BFSP2: variants seen among roughly 807,000 people sequenced by gnomAD.
BFSP2 encodes the protein beaded filament structural protein 2.
In BFSP2, 38 loss-of-function variants were observed where a neutral mutation model predicts 44.9. The observed-to-expected ratio is 0.85, with a 90% confidence interval of 0.65 to 1.11. The LOEUF (loss-of-function observed/expected upper bound fraction) is 1.11. Among genes scored for constraint, BFSP2 ranks in the 50% least tolerant of loss-of-function variants. The pLI, the probability that BFSP2 is intolerant of heterozygous loss-of-function variation, is 0.00. For synonymous variants in BFSP2, 197 were observed against 209.9 expected (o/e 0.94, Z 0.53); for missense variants, 525 against 533.0 (o/e 0.99, Z 0.15).
chr3:133,414,198 C>A (rs2073484296), intron 1 of BFSP2, among the ~76,000 whole-genome samples: 1 of 112,598 alleles, frequency 8.9e-6, no homozygotes, highest in Non-Finnish European at 1.8e-5. Context: ...ACTCATCCCT[C>A]TACTCACCCC....
At chr3:133,428,704 G>A (rs1023613631) in intron 1 of BFSP2, among the ~76,000 whole-genome samples, 5 of 152,316 alleles carry the variant, frequency 3.3e-5, no homozygotes, top group African/African-American at 4.8e-5. Flanking sequence ...GGGTAAACAC[G>A]CAGGGCCTGT....
chr3:133,447,712 G>T (rs1201613512), intron 2 of BFSP2, among the ~76,000 whole-genome samples: 2 of 152,138 alleles, frequency 1.3e-5, no homozygotes, highest in Non-Finnish European at 2.9e-5. Context: ...TGACTCAATG[G>T]GTCTGGAGAA....
chr3:133,411,823 A>G (rs548292647), intron 1 of BFSP2, among the ~76,000 whole-genome samples: 1 of 152,342 alleles, frequency 6.6e-6, no homozygotes, highest in East Asian at 1.9e-4. Context: ...CCAATTTTTT[A>G]ACAAATAAAA....
chr3:133,414,760 A>G (rs1169784142), intron 1 of BFSP2, among the ~76,000 whole-genome samples: 4 of 1,872 alleles, frequency 2.1e-3, no homozygotes, highest in Non-Finnish European at 2.8e-3. Flanking sequence ...ACTCACCCCT[A>G]TTCTCTCCCC....
At chr3:133,416,129 T>C (rs1282231472) in intron 1 of BFSP2, among the ~76,000 whole-genome samples, 1 of 139,428 alleles carries the variant, frequency 7.2e-6, no homozygotes, top group Admixed American at 7.2e-5. Flanking sequence ...TCTCTCACTC[T>C]ACTCACCCCT....
intron 5 of BFSP2, among the ~76,000 whole-genome samples, chr3:133,470,637 G>A (rs954529316): frequency 3.9e-5 from 6 of 152,156 alleles, no homozygotes; most frequent in Admixed American, 2.6e-4. Flanking sequence ...CATAGATAGT[G>A]CAATAAGTGT....
chr3:133,423,181 G>A (rs2073608052), intron 1 of BFSP2, among the ~76,000 whole-genome samples: 1 of 152,218 alleles, frequency 6.6e-6, no homozygotes, highest in African/African-American at 2.4e-5. Context: ...GGAAGAAAGG[G>A]AGGGAGGGAA....
chr3:133,448,963 T>A (rs2073930548), intron 3 of BFSP2: 2 of 296,802 alleles, frequency 6.7e-6, no homozygotes, highest in Non-Finnish European at 1.2e-5. Flanking sequence ...CTATGTCAGG[T>A]TTTTTTTTCA....
chr3:133,421,480 C>T (rs2073591895), intron 1 of BFSP2, among the ~76,000 whole-genome samples: 1 of 152,188 alleles, frequency 6.6e-6, no homozygotes, highest in Non-Finnish European at 1.5e-5. Context: ...TTCATTCTTC[C>T]ATATGTCTGT....
intron 1 of BFSP2, among the ~76,000 whole-genome samples, chr3:133,437,754 G>A (rs1237714573): frequency 1.3e-5 from 2 of 152,174 alleles, no homozygotes; most frequent in African/African-American, 2.4e-5. Context: ...GGCTGAGCAT[G>A]GGTTTTACAG....
At chr3:133,420,318 G>T (rs2107893375) in intron 1 of BFSP2, among the ~76,000 whole-genome samples, 1 of 152,206 alleles carries the variant, frequency 6.6e-6, no homozygotes, top group East Asian at 1.9e-4. Flanking sequence ...TGATGATTGG[G>T]GATCTTAATA....
At position 133,448,562 on chromosome 3, in the gene BFSP2, G is replaced by C; in HGVS notation, c.646G>C (p.Ala216Pro). The C allele has an allele frequency of 6.2e-7, 1 of 1,614,122 alleles. No homozygotes were observed. Among genetic ancestry groups the C allele is most frequent in the African/African-American group, 1.3e-5 (1 of 75,048 alleles). Residue 216 changes from alanine to proline, a missense_variant, in exon 3 of 7, where the codon GCT (alanine) becomes CCT (proline). By Grantham distance (27) the Ala-to-Pro change is conservative. Transcript: ENST00000302334. ...INSLYKVIDE[A>P]NLTKMDLESQ... is the part of the protein sequence containing the mutation. ...CTCTCTGTATAAAGTCATTGATGAG[G>C]CTAATTTGACTAAAATGGACCTGGA...
intron 4 of BFSP2, among the ~76,000 whole-genome samples, chr3:133,460,522 T>G (rs1004007285): frequency 2.6e-5 from 4 of 152,244 alleles, no homozygotes; most frequent in African/African-American, 9.6e-5. Context: ...CCTCCCAAAG[T>G]GCTGGGATTG....
chr3:133,407,212 C>T, intron 1 of BFSP2, among the ~76,000 whole-genome samples: 1 of 152,084 alleles, frequency 6.6e-6, no homozygotes, highest in Non-Finnish European at 1.5e-5. Flanking sequence ...CAAGGGCCAT[C>T]TCAAAACAAA....
chr3:133,462,992 AG>A (rs1279300243), intron 4 of BFSP2, among the ~76,000 whole-genome samples: 1 of 152,182 alleles, frequency 6.6e-6, no homozygotes, highest in Non-Finnish European at 1.5e-5. Context: ...GTTTTAGAAC[AG>A]GAGTGAAAGT....
chr3:133,423,607 G>C (rs2073614684), intron 1 of BFSP2, among the ~76,000 whole-genome samples: 1 of 152,036 alleles, frequency 6.6e-6, no homozygotes, highest in South Asian at 2.1e-4. Context: ...ACGTTACACA[G>C]GGATGGTCCC....
intron 1 of BFSP2, among the ~76,000 whole-genome samples, chr3:133,434,723 G>A (rs879084569): frequency 6.6e-6 from 1 of 152,094 alleles, no homozygotes; most frequent in South Asian, 2.1e-4. Context: ...ATTACCTTGT[G>A]AAAGTCCTTT....
chr3:133,448,422 C>T, intron 2 of BFSP2, 67 bp from the exon 3 acceptor site: 1 of 1,589,366 alleles, frequency 6.3e-7, no homozygotes, highest in Non-Finnish European at 8.6e-7. Flanking sequence ...CTGTTGGTAA[C>T]ATTTATAATC....
chr3:133,431,712 C>G (rs114814993), intron 1 of BFSP2, among the ~76,000 whole-genome samples: 7,979 of 152,156 alleles, frequency 0.052, 214 homozygotes, highest in African/African-American at 0.063. Context: ...GCTACCCACT[C>G]CACATTACCT....
Sources: gnomAD v4.1 joint callset for allele counts (sites outside exome capture counted in the v4.1 genomes callset) on GRCh38, gnomAD v4.1.1 for gene constraint, MANE v1.5 for transcripts, NCBI Gene and HGNC (gene_info 2026-07-23, HGNC 2026-07-21) for gene names.